The following EFCAB6 variants were observed in gnomAD, a reference collection of about 807,000 sequenced individuals.
EFCAB6 encodes EF-hand calcium-binding domain-containing protein 6.
EFCAB6 carries 156 observed loss-of-function variants against 169.8 expected under a neutral mutation model. The observed-to-expected ratio is 0.92, with a 90% CI of 0.81 to 1.05. The LOEUF is 1.05. EFCAB6 is among the 50% of genes least tolerant of loss of function. EFCAB6 has a pLI of 0.00. For synonymous variants in EFCAB6, 698 were observed against 676.4 expected (o/e 1.03, Z -0.50); for missense variants, 1,800 against 1,829.1 (o/e 0.98, Z 0.29).
chr22:43,588,063 T>C (rs2051195460), intron 24 of EFCAB6, among the ~76,000 whole-genome samples: 1 of 152,268 alleles, frequency 6.6e-6, no homozygotes, highest in South Asian at 2.1e-4. Flanking sequence ...TCTTGTATTT[T>C]GTTTGGCAAG....
intron 10 of EFCAB6, among the ~76,000 whole-genome samples, chr22:43,705,322 A>G (rs1397779816): frequency 6.6e-6 from 1 of 152,160 alleles, no homozygotes; most frequent in Non-Finnish European, 1.5e-5. Flanking sequence ...CAGATCATCC[A>G]GATAAAAAAT....
intron 24 of EFCAB6, among the ~76,000 whole-genome samples, chr22:43,588,632 C>T (rs1399460322): frequency 6.6e-6 from 1 of 151,962 alleles, no homozygotes; most frequent in East Asian, 1.9e-4. Context: ...AAAAATAGAA[C>T]AGGGGAGGAA....
chr22:43,754,015 A>G (rs1403100264), intron 6 of EFCAB6, among the ~76,000 whole-genome samples: 1 of 152,192 alleles, frequency 6.6e-6, no homozygotes, highest in Non-Finnish European at 1.5e-5. Context: ...TGTGACCGTT[A>G]GAAGGGTCAG....
chr22:43,765,421 A>T, intron 4 of EFCAB6, 28 bp from the exon 5 acceptor site: 1 of 1,553,706 alleles, frequency 6.4e-7, no homozygotes, highest in East Asian at 2.3e-5. Flanking sequence ...GAATGACAAC[A>T]TGTTAGAGAA....
intron 27 of EFCAB6, among the ~76,000 whole-genome samples, chr22:43,546,872 CAA>C (rs550158459): frequency 1.7e-4 from 19 of 113,854 alleles, no homozygotes; most frequent in Admixed American, 2.7e-4. Flanking sequence ...GACTCTGTCT[CAA>C]AAAAAAAAAA....
intron 23 of EFCAB6, among the ~76,000 whole-genome samples, chr22:43,596,993 A>G (rs1008052828): frequency 2.0e-5 from 3 of 152,318 alleles, no homozygotes; most frequent in Middle Eastern, 3.4e-3. Flanking sequence ...GAGAACACAC[A>G]CTGGGGAAAG....
intron 6 of EFCAB6, among the ~76,000 whole-genome samples, chr22:43,740,030 G>A (rs1320557148): frequency 6.6e-5 from 10 of 151,222 alleles, no homozygotes; most frequent in Admixed American, 6.6e-4. Context: ...CTGCTTTCTG[G>A]CCACACCAGA....
At chr22:43,756,415 T>C (rs2060960836) in intron 5 of EFCAB6, among the ~76,000 whole-genome samples, 1 of 152,216 alleles carries the variant, frequency 6.6e-6, no homozygotes, top group Admixed American at 6.5e-5. Flanking sequence ...AATGCATCTA[T>C]ACCGTCCCTG....
intron 10 of EFCAB6, among the ~76,000 whole-genome samples, chr22:43,692,555 T>G (rs1351552886): frequency 6.6e-6 from 1 of 151,968 alleles, no homozygotes; most frequent in African/African-American, 2.4e-5. Flanking sequence ...TAAAAAGAAC[T>G]AATGGAAATT....
chr22:43,577,677 G>A (rs1224042698), intron 25 of EFCAB6, among the ~76,000 whole-genome samples: 2 of 152,094 alleles, frequency 1.3e-5, no homozygotes, highest in Non-Finnish European at 2.9e-5. Context: ...TAAGGAGAAC[G>A]ATCATAAGAA....
intron 17 of EFCAB6, among the ~76,000 whole-genome samples, chr22:43,649,992 C>A (rs2056387425): frequency 1.3e-5 from 2 of 152,244 alleles, no homozygotes; most frequent in South Asian, 4.1e-4. Context: ...AGAAACATGC[C>A]CAACACTCTG....
At chr22:43,774,754 G>C (rs1022455394) in intron 3 of EFCAB6, among the ~76,000 whole-genome samples, 1 of 151,734 alleles carries the variant, frequency 6.6e-6, no homozygotes, top group South Asian at 2.1e-4. Context: ...GCTGGAAGTG[G>C]GGCTGCTGTG....
intron 20 of EFCAB6, among the ~76,000 whole-genome samples, chr22:43,621,536 G>C (rs2054114866): frequency 6.6e-6 from 1 of 152,092 alleles, no homozygotes; most frequent in African/African-American, 2.4e-5. Flanking sequence ...ATCCAAATTT[G>C]TGAAATGCAG....
intron 26 of EFCAB6, among the ~76,000 whole-genome samples, chr22:43,564,880 G>C (rs1226285640): frequency 6.6e-6 from 1 of 152,210 alleles, no homozygotes; most frequent in Non-Finnish European, 1.5e-5. Flanking sequence ...CTTCATAGAA[G>C]GGGGTGGTAG....
intron 1 of EFCAB6, among the ~76,000 whole-genome samples, chr22:43,809,374 T>C (rs972134513): frequency 6.6e-6 from 1 of 152,210 alleles, no homozygotes; most frequent in African/African-American, 2.4e-5. Flanking sequence ...ATGATTCTGA[T>C]TTACATGTTT....
intron 20 of EFCAB6, among the ~76,000 whole-genome samples, chr22:43,618,180 A>AGG (rs2053850175): frequency 1.5e-5 from 2 of 131,608 alleles, no homozygotes; most frequent in Non-Finnish European, 3.4e-5. Context: ...GAAAGAAAGA[A>AGG]AGAAAGAAAG....
Position 43,659,865 on chromosome 22 carries a change from C to T in EFCAB6, c.1983+7239G>A, listed in dbSNP as rs140419883. On this transcript the variant is annotated intron_variant, in intron 17 of 31. Coordinates refer to ENST00000262726, the MANE Select transcript of EFCAB6 (RefSeq NM_022785.4). ...ACAGAGGAAGAAGGAAAGCACATCT[C>T]GGGCTAAGCCAGGTGAGATGTCCCT... Among the ~76,000 whole-genome samples, 403 of 152,256 alleles carry T rather than the reference C, an allele frequency of 2.6e-3. 1 individual carries two copies. Among genetic ancestry groups the T allele is most frequent in the African/African-American group, 9.1e-3 (379 of 41,542 alleles).
chr22:43,641,538 C>G (rs995280635), intron 17 of EFCAB6, among the ~76,000 whole-genome samples: 4 of 151,398 alleles, frequency 2.6e-5, no homozygotes, highest in African/African-American at 9.7e-5. Flanking sequence ...ATCGCTTGAA[C>G]CTGGGAGGCA....
At chr22:43,551,305 C>G (rs1453042215) in intron 27 of EFCAB6, among the ~76,000 whole-genome samples, 2 of 152,208 alleles carry the variant, frequency 1.3e-5, no homozygotes, top group African/African-American at 4.8e-5. Flanking sequence ...TCAGCCCATC[C>G]AGGGGCATTT....
Sources: gnomAD v4.1 joint callset for allele counts (sites outside exome capture counted in the v4.1 genomes callset) on GRCh38, gnomAD v4.1.1 for gene constraint, MANE v1.5 for transcripts, NCBI Gene and HGNC (gene_info 2026-07-23, HGNC 2026-07-21) for gene names.